Variants in CAMTA1 observed in about 807,000 individuals in gnomAD.
The protein encoded by CAMTA1 is calmodulin binding transcription activator 1, also known as calmodulin-binding transcription activator 1.
Under a neutral mutation model 170.9 loss-of-function variants are expected in CAMTA1, and 27 were observed. The ratio of observed to expected loss-of-function variants is 0.16; its 90% CI spans 0.12 to 0.22. The LOEUF (loss-of-function observed/expected upper bound fraction) is 0.22, where lower values mean the gene tolerates loss of function less well. Ranked by LOEUF, CAMTA1 falls within the 10% of genes least tolerant of loss-of-function variation. CAMTA1 has a pLI of 1.00. For synonymous variants in CAMTA1, 833 were observed against 891.5 expected, an observed-to-expected ratio of 0.93 and a Z score of 1.17; for missense variants, 1,619 against 2,217.2, an observed-to-expected ratio of 0.73 and a Z score of 5.42.
chr1:7,630,370 C>T (rs1215238913), intron 6 of CAMTA1, among the ~76,000 whole-genome samples: 1 of 152,192 alleles, frequency 6.6e-6, no homozygotes, highest in East Asian at 1.9e-4. Flanking sequence ...AGGATTGTGT[C>T]AGGCATGATC....
At chr1:7,704,180 C>T (rs1248556494) in intron 11 of CAMTA1, among the ~76,000 whole-genome samples, 4 of 149,184 alleles carry the variant, frequency 2.7e-5, no homozygotes, top group Admixed American at 1.3e-4. Context: ...CAGGGCGCGC[C>T]GGGGCCGCGC....
In CAMTA1 at chr1:7,251,524, C is replaced by T. The variant is rs1264158300; in HGVS notation, c.438+1898C>T. On this transcript the variant is annotated intron_variant, in intron 5 of 22. Coordinates refer to ENST00000303635, the MANE Select transcript of CAMTA1 (RefSeq NM_015215.4). This position sits in a 1 kb window ranked among gnomAD's most constrained non-coding sequence, Gnocchi z 5.1. The stretch of plus-strand genomic sequence containing the variant: ...GCTTTGGGTTCTCAGAGAGAGGCCA[C>T]CTACTATGATGCATTATGTGGTGGC... Among the ~76,000 whole-genome samples, 3 of 152,160 alleles carry T rather than the reference C, an allele frequency of 2.0e-5. No individual in the cohort carries two copies. The highest frequency in any genetic ancestry group is 4.4e-5 in the Non-Finnish European group (3 of 68,034).
intron 4 of CAMTA1, among the ~76,000 whole-genome samples, chr1:7,098,277 C>G (rs530013704): frequency 1.3e-5 from 2 of 152,362 alleles, no homozygotes; most frequent in Non-Finnish European, 2.9e-5. Flanking sequence ...GTGGTTTCCA[C>G]GTGGTAACCT....
At chr1:7,728,851 A>G (rs1341904242) in intron 11 of CAMTA1, among the ~76,000 whole-genome samples, 1 of 152,164 alleles carries the variant, frequency 6.6e-6, no homozygotes, top group Non-Finnish European at 1.5e-5. Context: ...CTCTGTAGTC[A>G]TCTTGTGTTT....
chr1:7,364,231 G>A (rs1437073240), intron 5 of CAMTA1, among the ~76,000 whole-genome samples: 1 of 152,204 alleles, frequency 6.6e-6, no homozygotes, highest in African/African-American at 2.4e-5. Context: ...CGAGACCAGC[G>A]AGGTGTCTTA....
intron 6 of CAMTA1, among the ~76,000 whole-genome samples, chr1:7,622,417 C>A (rs1042480769): frequency 1.3e-5 from 2 of 152,254 alleles, no homozygotes; most frequent in African/African-American, 4.8e-5. Context: ...GGCAAGATAA[C>A]AGATTGGTGT....
chr1:6,846,589 GCTTTTTGTCAA>G (rs1658252445), intron 3 of CAMTA1, among the ~76,000 whole-genome samples: 1 of 152,164 alleles, frequency 6.6e-6, no homozygotes, highest in South Asian at 2.1e-4. Flanking sequence ...AAGACTTCTA[GCTTTTTGTCAA>G]CTTTTTAACT....
At chr1:7,428,684 A>T (rs187846911) in intron 5 of CAMTA1, among the ~76,000 whole-genome samples, 174 of 152,154 alleles carry the variant, frequency 1.1e-3, no homozygotes, top group African/African-American at 3.8e-3. Flanking sequence ...CTCCACTAGG[A>T]TGACATCCCC....
chr1:6,958,498 CAA>C (rs1294326928), intron 3 of CAMTA1, among the ~76,000 whole-genome samples: 2 of 152,226 alleles, frequency 1.3e-5, no homozygotes, highest in Non-Finnish European at 2.9e-5. Flanking sequence ...CCTGTCCACA[CAA>C]CAGATTTCTG....
intron 5 of CAMTA1, among the ~76,000 whole-genome samples, chr1:7,336,729 G>T (rs1364815347): frequency 2.0e-5 from 3 of 152,210 alleles, no homozygotes; most frequent in East Asian, 1.9e-4. Flanking sequence ...CTCCTTGATC[G>T]CATTTCTCTG....
chr1:6,798,873 G>T (rs1253166618), intron 1 of CAMTA1, among the ~76,000 whole-genome samples: 1 of 151,882 alleles, frequency 6.6e-6, no homozygotes, highest in African/African-American at 2.4e-5. Flanking sequence ...TCGGATTACA[G>T]ACGTTAGCCT....
Position 7,585,499 on chromosome 1 carries a change from G to A in CAMTA1, c.511-54901G>A, listed in dbSNP as rs1387950731. ...AGTGGGTTCCCATAGGAGTGACGAG[G>A]CTACAGAGGTGACCAGGACCAGATG... On this transcript the variant is annotated intron_variant, in intron 6 of 22. Coordinates refer to ENST00000303635, the MANE Select transcript of CAMTA1 (RefSeq NM_015215.4). The surrounding 1 kb of genome is among the most constrained non-coding windows in gnomAD (Gnocchi z 4.8). Among the ~76,000 whole-genome samples the A allele has an allele frequency of 6.6e-6, 1 of 152,148 alleles. No individual in the cohort carries two copies. Among genetic ancestry groups the A allele is most frequent in the Non-Finnish European group, 1.5e-5 (1 of 68,034 alleles).
At chr1:7,062,963 C>T (rs1558044330) in intron 3 of CAMTA1, among the ~76,000 whole-genome samples, 1 of 152,168 alleles carries the variant, frequency 6.6e-6, no homozygotes, top group Non-Finnish European at 1.5e-5. Flanking sequence ...CATCCTACTC[C>T]GTTATGACTT....
intron 3 of CAMTA1, among the ~76,000 whole-genome samples, chr1:6,898,582 A>G (rs1676167338): frequency 6.6e-6 from 1 of 152,230 alleles, no homozygotes; most frequent in Non-Finnish European, 1.5e-5. Context: ...AAAAGGAGAT[A>G]GAAATTCTGT....
chr1:7,414,386 C>T (rs1189812920), intron 5 of CAMTA1, among the ~76,000 whole-genome samples: 2 of 152,070 alleles, frequency 1.3e-5, no homozygotes, highest in Non-Finnish European at 2.9e-5. Flanking sequence ...TCCATCTGGT[C>T]CTGGACTCTT....
chr1:7,729,202 C>T (rs186347878), intron 11 of CAMTA1, among the ~76,000 whole-genome samples: 264 of 151,804 alleles, frequency 1.7e-3, no homozygotes, highest in Admixed American at 3.2e-3. Flanking sequence ...CTGTAACCTC[C>T]ACCTCCTGAG....
intron 6 of CAMTA1, among the ~76,000 whole-genome samples, chr1:7,529,963 G>T (rs1441823260): frequency 6.6e-6 from 1 of 152,200 alleles, no homozygotes; most frequent in Non-Finnish European, 1.5e-5. Flanking sequence ...TCTTGGAGGG[G>T]CATCTGCTGC....
intron 5 of CAMTA1, among the ~76,000 whole-genome samples, chr1:7,376,644 C>T (rs1448689421): frequency 6.6e-6 from 1 of 152,218 alleles, no homozygotes; most frequent in Non-Finnish European, 1.5e-5. Flanking sequence ...AGTGTCATCA[C>T]ACCCATTTCA....
chr1:6,925,690 C>A (rs934875512), intron 3 of CAMTA1, among the ~76,000 whole-genome samples: 2 of 152,172 alleles, frequency 1.3e-5, no homozygotes, highest in African/African-American at 4.8e-5. Context: ...AGCAACTAGC[C>A]CCGTGGAGAC....
Sources: gnomAD v4.1 joint callset for allele counts (sites outside exome capture counted in the v4.1 genomes callset) on GRCh38, gnomAD v4.1.1 for gene constraint, Gnocchi (gnomAD v3.1) non-coding constraint, MANE v1.5 for transcripts, NCBI Gene and HGNC (gene_info 2026-07-23, HGNC 2026-07-21) for gene names.